Variants in CARS1 observed in about 807,000 individuals in gnomAD.
The protein encoded by CARS1 is cysteinyl-tRNA synthetase 1.
CARS1 carries 48 observed loss-of-function variants against 106.2 expected under a neutral mutation model. That is an observed-to-expected ratio of 0.45 (90% confidence interval 0.36 to 0.57). CARS1 has a LOEUF of 0.57. Ranked by LOEUF, CARS1 falls within the 20% of genes least tolerant of loss-of-function variation. The pLI is 0.00. For synonymous variants in CARS1, 409 were observed against 403.4 expected, an observed-to-expected ratio of 1.01 and a Z score of -0.17; for missense variants, 968 against 1,057.2, an observed-to-expected ratio of 0.92 and a Z score of 1.17.
chr11:3,002,676 CA>C, intron 20 of CARS1, 76 bp from the exon 21 acceptor site: 1 of 1,596,730 alleles, frequency 6.3e-7, no homozygotes, highest in African/African-American at 1.3e-5. Context: ...GAGGTCTAGC[CA>C]AACAAGCCCC....
At chr11:3,024,673 C>A (rs554888070) in intron 10 of CARS1, among the ~76,000 whole-genome samples, 2 of 152,142 alleles carry the variant, frequency 1.3e-5, no homozygotes, top group Non-Finnish European at 1.5e-5. Context: ...GTCTGGAACT[C>A]CTGGGCTCAA....
At chr11:3,005,313 G>C in intron 20 of CARS1, 53 bp downstream of exon 20, 2 of 1,323,480 alleles carry the variant, frequency 1.5e-6, no homozygotes, top group Non-Finnish European at 2.2e-6. Context: ...TAATCGCAAT[G>C]GTTTTTACAT....
At position 3,018,801 on chromosome 11, in the gene CARS1, C is replaced by A. The variant is rs555948817; in HGVS notation, c.1396-52G>T. The A allele has an allele frequency of 6.8e-5, 108 of 1,581,768 alleles. 1 individual carries two copies. The South Asian group carries it at 1.1e-3, about 17-fold the overall frequency. On this transcript the variant is annotated intron_variant, in intron 12 of 22. Transcript: ENST00000380525. ...AACAGTCATGTGTTACTGGGGCCGC[C>A]TCCTGCCACCTGCACTGTCTGCTGC... is the stretch of plus-strand genomic sequence containing the variant.
intron 2 of CARS1, 109 bp downstream of exon 2, chr11:3,047,644 G>T (rs1855235652): frequency 2.1e-6 from 3 of 1,423,098 alleles, no homozygotes; most frequent in African/African-American, 1.4e-5. Flanking sequence ...CTTGGGCGAG[G>T]CTCCCTCTGG....
In CARS1 at chr11:3,037,801, TG is replaced by T. The variant is rs1377295622; in HGVS notation, c.801+248del. Among the ~76,000 whole-genome samples the T allele has an allele frequency of 6.6e-6, 1 of 151,710 alleles. No individual in the cohort carries two copies. The highest frequency in any genetic ancestry group is 1.5e-5 in the Non-Finnish European group (1 of 67,908). ...CTATCTGATGGAAGTGGTGGGAGGG[TG>T]TGGATCCCGAGTCTCCTTCCAGTGG... is the stretch of plus-strand genomic sequence containing the variant. On this transcript the variant is annotated intron_variant, in intron 7 of 22. Coordinates refer to ENST00000380525, the MANE Select transcript of CARS1 (RefSeq NM_001014437.3). This position sits in a 1 kb window ranked among gnomAD's most constrained non-coding sequence, Gnocchi z 5.9.
In CARS1 at chr11:3,030,257, G is replaced by C. The variant is rs1374041833; in HGVS notation, c.802-814C>G. 6.6e-6 allele frequency: 1 copy of C among 152,276 alleles called. No individual in the cohort carries two copies. The highest frequency in any genetic ancestry group is 1.5e-5 in the Non-Finnish European group (1 of 68,110). 9.4% of individuals were successfully genotyped at this position (152,276 alleles called of 1,614,324 possible). On this transcript the variant is annotated intron_variant, in intron 7 of 22. Coordinates refer to ENST00000380525, the MANE Select transcript of CARS1 (RefSeq NM_001014437.3). The surrounding 1 kb of genome is among the most constrained non-coding windows in gnomAD (Gnocchi z 5.7). ...GCCTGGCAGACAGCAAGGACACAGG[G>C]TGGACAAAGCCACAACACAGACAGA...
intron 7 of CARS1, among the ~76,000 whole-genome samples, chr11:3,032,133 T>G (rs1852919938): frequency 6.7e-6 from 1 of 148,756 alleles, no homozygotes; most frequent in Admixed American, 6.8e-5. Context: ...AGTGCAGTAG[T>G]GCAATCTCAG....
chr11:3,032,901 C>G (rs1853051054), intron 7 of CARS1, among the ~76,000 whole-genome samples: 2 of 151,308 alleles, frequency 1.3e-5, no homozygotes, highest in Non-Finnish European at 2.9e-5. Context: ...ACCACGGACT[C>G]AGGGTAATGA....
At position 3,037,406 on chromosome 11, in the gene CARS1, A is replaced by G. The variant is rs1250867472; in HGVS notation, c.801+644T>C. ...GCCTCAGTGGGGCCTCTTTTTCTACACACAGCTGCAGCCGTCTCTTCTCTT... is the reference window on the plus strand; with the variant it reads ...GCCTCAGTGGGGCCTCTTTTTCTACGCACAGCTGCAGCCGTCTCTTCTCTT... On this transcript the variant is annotated intron_variant, in intron 7 of 22. Coordinates refer to ENST00000380525, the MANE Select transcript of CARS1 (RefSeq NM_001014437.3). This position sits in a 1 kb window ranked among gnomAD's most constrained non-coding sequence, Gnocchi z 5.9. Among the ~76,000 whole-genome samples the G allele has an allele frequency of 6.6e-6, 1 of 152,214 alleles. No individual in the cohort carries two copies. The highest frequency in any genetic ancestry group is 2.1e-4 in the South Asian group (1 of 4,832).
chr11:3,010,063 C>T (rs906411432), intron 18 of CARS1, among the ~76,000 whole-genome samples: 1 of 152,218 alleles, frequency 6.6e-6, no homozygotes, highest in Non-Finnish European at 1.5e-5. Context: ...GGCCACATCA[C>T]CCATCTACCT....
At chr11:3,055,835 C>T (rs1002095458) in intron 1 of CARS1, among the ~76,000 whole-genome samples, 1 of 152,224 alleles carries the variant, frequency 6.6e-6, no homozygotes. Flanking sequence ...TGTTCTACGT[C>T]CTTCCCATCT....
intron 1 of CARS1, among the ~76,000 whole-genome samples, chr11:3,054,651 C>T (rs1162556687): frequency 1.3e-5 from 2 of 152,212 alleles, no homozygotes; most frequent in Non-Finnish European, 2.9e-5. Context: ...TCTGGCTAGT[C>T]GTGATGGTGG....
chr11:3,026,787 T>C lies in CARS1; in HGVS notation c.1042A>G (p.Asn348Asp). The C allele has an allele frequency of 6.2e-7, 1 of 1,611,534 alleles. No homozygotes were observed. Among genetic ancestry groups the C allele is most frequent in the Non-Finnish European group, 8.5e-7 (1 of 1,178,742 alleles). Residue 348 changes from asparagine to aspartate, a missense_variant, in exon 10 of 23, where the codon AAT becomes GAT. Coordinates refer to ENST00000380525, the MANE Select transcript of CARS1 (RefSeq NM_001014437.3). ...IVDNGYGYVS[N>D]GSVYFDTAKF... Reference sequence around the variant, plus strand: ...GCTGTATCAAAGTAGACAGACCCATTGGAGACATAGCTGGAAAACAGAAAA... The same window carrying C: ...GCTGTATCAAAGTAGACAGACCCATCGGAGACATAGCTGGAAAACAGAAAA...
In CARS1 at chr11:3,044,979, A is replaced by C. The variant is rs913789458; in HGVS notation, c.275-2723T>G. On this transcript the variant is annotated intron_variant, in intron 2 of 22. Coordinates refer to ENST00000380525, the MANE Select transcript of CARS1 (RefSeq NM_001014437.3). The surrounding 1 kb of genome is among the most constrained non-coding windows in gnomAD (Gnocchi z 4.4). ...GGTCCTCCATCGGAGGGGTGAGAGC[A>C]ACACCAAACCTTCATGTTCCTGAAA... Among the ~76,000 whole-genome samples, 11 of 152,144 alleles carry C rather than the reference A, an allele frequency of 7.2e-5. No homozygotes were observed. Among genetic ancestry groups the C allele is most frequent in the Non-Finnish European group, 1.5e-4 (10 of 68,028 alleles).
At chr11:3,047,703 G>A in intron 2 of CARS1, 50 bp downstream of exon 2, 1 of 1,562,216 alleles carries the variant, frequency 6.4e-7, no homozygotes, top group Non-Finnish European at 8.7e-7. Flanking sequence ...GAAAGCCCTT[G>A]ACCTTGGGAG....
In CARS1 at chr11:3,019,381, C is replaced by CCAATTACAAAACG. The variant is rs1565046601; in HGVS notation, c.1267-115_1267-114insCGTTTTGTAATTG. 1.4e-5 allele frequency: 16 copies of CCAATTACAAAACG among 1,149,744 alleles called. No homozygotes were observed. The African/African-American group carries it at 2.4e-4, about 17-fold the overall frequency. The allele number at this position is 1,149,744 out of a possible 1,614,324, so 71.2% of individuals were successfully genotyped here. A position where few individuals can be genotyped will look rare whatever the true frequency, so the allele number is the denominator to read the frequency against. On this transcript the variant is annotated intron_variant, in intron 11 of 22. Transcript: ENST00000380525. This position sits in a 1 kb window ranked among gnomAD's most constrained non-coding sequence, Gnocchi z 6.2. ...ATCCTCTGAACTTTATTGGAACAAG[C>CCAATTACAAAACG]GTTAAATCCCGCACATGAAAAGACT... is the stretch of plus-strand genomic sequence containing the variant.
intron 19 of CARS1, among the ~76,000 whole-genome samples, chr11:3,006,524 G>A (rs542210577): frequency 1.8e-4 from 28 of 152,254 alleles, no homozygotes; most frequent in Admixed American, 3.9e-4. Flanking sequence ...TCCACGAAGT[G>A]GGAGAACAAG....
rs1384737709 is a variant in CARS1, at chr11:3,003,392, G to A, written c.2218-792C>T. The stretch of plus-strand genomic sequence containing the variant: ...ATGGCAGGAAGGAGGAACAAGTTTG[G>A]GGAGTTGAAAATCACATTTACTTTG... On this transcript the variant is annotated intron_variant, in intron 20 of 22. Transcript: ENST00000380525. This position sits in a 1 kb window ranked among gnomAD's most constrained non-coding sequence, Gnocchi z 4.8. Among the ~76,000 whole-genome samples, 1 of 152,210 alleles carries A rather than the reference G, an allele frequency of 6.6e-6. No homozygotes were observed. The highest frequency in any genetic ancestry group is 2.4e-5 in the African/African-American group (1 of 41,448).
At chr11:3,036,258 C>T (rs186045562) in intron 7 of CARS1, among the ~76,000 whole-genome samples, 193 of 152,338 alleles carry the variant, frequency 1.3e-3, no homozygotes, top group African/African-American at 4.5e-3. Context: ...TAACTCGATG[C>T]CGAGTCTCAT....
Sources: gnomAD v4.1 joint callset for allele counts (sites outside exome capture counted in the v4.1 genomes callset) on GRCh38, gnomAD v4.1.1 for gene constraint, Gnocchi (gnomAD v3.1) non-coding constraint, MANE v1.5 for transcripts, NCBI Gene and HGNC (gene_info 2026-07-23, HGNC 2026-07-21) for gene names.